Variants in MEIKIN observed in about 807,000 individuals in gnomAD.
MEIKIN encodes the protein meiosis-specific kinetochore protein.
intron 9 of MEIKIN, among the ~76,000 whole-genome samples, chr5:131,869,618 TCA>T (rs1750450659): frequency 6.6e-6 from 1 of 152,200 alleles, no homozygotes; most frequent in African/African-American, 2.4e-5. Flanking sequence ...GCATTCTGTT[TCA>T]CATAGTTCCT....
At chr5:131,906,075 A>G (rs1370051098) in intron 8 of MEIKIN, among the ~76,000 whole-genome samples, 2 of 152,222 alleles carry the variant, frequency 1.3e-5, no homozygotes, top group East Asian at 3.9e-4. Context: ...GAAACTATCA[A>G]CAGAATCAAT....
intron 8 of MEIKIN, among the ~76,000 whole-genome samples, chr5:131,881,332 C>A (rs1200321818): frequency 6.6e-6 from 1 of 152,156 alleles, no homozygotes; most frequent in Non-Finnish European, 1.5e-5. Context: ...AAAACACTCT[C>A]CTCTCCTGGC....
At chr5:131,855,154 C>A (rs924240823) in intron 9 of MEIKIN, among the ~76,000 whole-genome samples, 1 of 152,100 alleles carries the variant, frequency 6.6e-6, no homozygotes, top group African/African-American at 2.4e-5. Flanking sequence ...TAGGAAATGG[C>A]GCTTCAGTTA....
At chr5:131,866,028 T>C (rs968475121) in intron 9 of MEIKIN, among the ~76,000 whole-genome samples, 1 of 152,196 alleles carries the variant, frequency 6.6e-6, no homozygotes, top group Non-Finnish European at 1.5e-5. Flanking sequence ...GTGTCTTGCT[T>C]GTGTGCCAGG....
chr5:131,818,406 GA>G (rs1773141251), intron 12 of MEIKIN, among the ~76,000 whole-genome samples: 1 of 152,046 alleles, frequency 6.6e-6, no homozygotes, highest in African/African-American at 2.4e-5. Context: ...TTCTTGTTCT[GA>G]AATCTGACCA....
chr5:131,912,775 A>G lies in MEIKIN; in HGVS notation c.639-896T>C, dbSNP rs577487922. Among the ~76,000 whole-genome samples, 16 of 152,304 alleles carry G rather than the reference A, an allele frequency of 1.1e-4. No homozygotes were observed. In the South Asian group the frequency reaches 3.3e-3, roughly 32 times the overall value. ...TAATAAGTAGCTATTTTTAGGTAAC[A>G]AAAAGTTCAGTGTAATATTACAAAT... On this transcript the variant is annotated intron_variant, in intron 7 of 12. Coordinates refer to ENST00000442687, the MANE Select transcript of MEIKIN (RefSeq NM_001303622.2).
chr5:131,916,487 C>T (rs909335819), intron 7 of MEIKIN, among the ~76,000 whole-genome samples: 2 of 152,204 alleles, frequency 1.3e-5, no homozygotes, highest in Non-Finnish European at 1.5e-5. Context: ...CTTCAAAGTG[C>T]TGTCGGTACC....
intron 4 of MEIKIN, among the ~76,000 whole-genome samples, chr5:131,939,955 C>G (rs1001178517): frequency 8.5e-5 from 13 of 152,150 alleles, no homozygotes; most frequent in African/African-American, 2.9e-4. Flanking sequence ...AGACATTCGA[C>G]AATTATTTGA....
intron 5 of MEIKIN, among the ~76,000 whole-genome samples, chr5:131,928,115 G>A (rs1751622406): frequency 7.0e-6 from 1 of 142,922 alleles, no homozygotes; most frequent in Admixed American, 7.3e-5. Context: ...CTGCACTCCA[G>A]CCTGGGCGAC....
chr5:131,897,684 A>G (rs1751077103), intron 8 of MEIKIN, among the ~76,000 whole-genome samples: 1 of 152,088 alleles, frequency 6.6e-6, no homozygotes, highest in South Asian at 2.1e-4. Flanking sequence ...GAAATCGGCT[A>G]TTGAAGCTCG....
chr5:131,845,114 C>CA (rs1749989556), intron 11 of MEIKIN, among the ~76,000 whole-genome samples: 3 of 151,470 alleles, frequency 2.0e-5, no homozygotes, highest in Admixed American at 6.6e-5. Flanking sequence ...ATTAAAAACA[C>CA]AAAAAATTAG....
At chr5:131,942,808 T>C in intron 3 of MEIKIN, 113 bp from the exon 4 acceptor site, 1 of 382,146 alleles carries the variant, frequency 2.6e-6, no homozygotes, top group Non-Finnish European at 4.6e-6. Context: ...TTTTATATGT[T>C]TCATATATAT....
At chr5:131,940,761 C>G (rs1409663347) in intron 4 of MEIKIN, among the ~76,000 whole-genome samples, 1 of 152,144 alleles carries the variant, frequency 6.6e-6, no homozygotes, top group Non-Finnish European at 1.5e-5. Flanking sequence ...ACTGCCCTAA[C>G]TGTCCGGCCA....
At chr5:131,908,134 A>C (rs1751273728) in intron 8 of MEIKIN, among the ~76,000 whole-genome samples, 1 of 152,176 alleles carries the variant, frequency 6.6e-6, no homozygotes, top group Non-Finnish European at 1.5e-5. Context: ...ATATCAAAAA[A>C]AGAAAACTAT....
chr5:131,905,220 G>A (rs1401406821), intron 8 of MEIKIN, among the ~76,000 whole-genome samples: 3 of 152,118 alleles, frequency 2.0e-5, no homozygotes, highest in Non-Finnish European at 2.9e-5. Flanking sequence ...TGAAATTAAG[G>A]CACAAATCAA....
chr5:131,818,870 AAG>A lies in MEIKIN; in HGVS notation c.976-9_976-8del. ...CTGATGCATTTGCAGGAAACTGGAA[AAG>A]AAAAAAAGCAGATATTGCATAATTC... is the stretch of plus-strand genomic sequence containing the variant. On this transcript the variant is annotated splice_region_variant and splice_polypyrimidine_tract_variant and intron_variant, in intron 11 of 12. Transcript: ENST00000442687. The A allele has an allele frequency of 2.5e-6, 1 of 397,598 alleles. No individual in the cohort carries two copies. The highest frequency in any genetic ancestry group is 4.4e-6 in the Non-Finnish European group (1 of 225,446). The allele number at this position is 397,598 out of a possible 1,614,324, so 24.6% of individuals were successfully genotyped here. A position where few individuals can be genotyped will look rare whatever the true frequency, so the allele number is the denominator to read the frequency against.
intron 11 of MEIKIN, among the ~76,000 whole-genome samples, chr5:131,841,360 G>C (rs1325918215): frequency 2.6e-5 from 4 of 152,142 alleles, no homozygotes; most frequent in Non-Finnish European, 5.9e-5. Context: ...GCAGCAGTGT[G>C]GTGGGGCACA....
chr5:131,880,097 A>AT (rs1304643523), intron 8 of MEIKIN, among the ~76,000 whole-genome samples: 1 of 146,412 alleles, frequency 6.8e-6, no homozygotes, highest in Admixed American at 6.8e-5. Flanking sequence ...TATATATACA[A>AT]TTTTTTTTGA....
chr5:131,809,472 G>A (rs942119329), intron 12 of MEIKIN, among the ~76,000 whole-genome samples: 5 of 152,220 alleles, frequency 3.3e-5, no homozygotes, highest in Non-Finnish European at 5.9e-5. Flanking sequence ...CATCAATGAC[G>A]CTAACCAGTC....
Sources: gnomAD v4.1 joint callset for allele counts (sites outside exome capture counted in the v4.1 genomes callset) on GRCh38, gnomAD v4.1.1 for gene constraint, MANE v1.5 for transcripts, NCBI Gene and HGNC (gene_info 2026-07-23, HGNC 2026-07-21) for gene names.